HERC2: variants seen among roughly 807,000 people sequenced by gnomAD.
The protein encoded by HERC2 is HECT and RLD domain containing E3 ubiquitin protein ligase 2.
A neutral mutation model predicts 537.7 loss-of-function variants in HERC2; 102 were observed. The ratio of observed to expected loss-of-function variants is 0.19; its 90% CI spans 0.16 to 0.22. The LOEUF (loss-of-function observed/expected upper bound fraction) is 0.22. Among genes scored for constraint, HERC2 ranks in the 10% least tolerant of loss-of-function variants. HERC2 has a pLI of 1.00. For missense variants in HERC2, 4,236 were observed against 6,198.2 expected (o/e 0.68, Z 10.63); for synonymous variants, 2,224 against 2,466.2 (o/e 0.90, Z 2.91).
chr15:28,315,347 C>T (rs926068412), intron 2 of HERC2, among the ~76,000 whole-genome samples: 3 of 152,226 alleles, frequency 2.0e-5, no homozygotes, highest in South Asian at 2.1e-4. Context: ...AACTCTCTTG[C>T]GTGACATCAC....
chr15:28,317,377 C>G lies in HERC2; in HGVS notation c.72+3985G>C, dbSNP rs547472607. ...GTGCTGTGATTACAGGCGTGAGCCA[C>G]CGCGCCCAGCCGAAGTGACAATATT... On this transcript the variant is annotated intron_variant, in intron 2 of 92. Transcript: ENST00000261609. Among the ~76,000 whole-genome samples, 4 of 152,320 alleles carry G rather than the reference C, an allele frequency of 2.6e-5. No individual in the cohort carries two copies. The South Asian group carries it at 8.3e-4, about 32-fold the overall frequency.
chr15:28,179,509 A>C (rs559879932), intron 57 of HERC2, among the ~76,000 whole-genome samples: 1 of 152,262 alleles, frequency 6.6e-6, no homozygotes, highest in South Asian at 2.1e-4. Flanking sequence ...TGCCAGCTAC[A>C]TATCAACAAT....
rs759377270 is a variant in HERC2 at position 28,269,262 on chromosome 15, T to TATA, written c.1429_1431dup (p.Tyr477dup). On this transcript the variant is annotated inframe_insertion, in exon 11 of 93. Coordinates refer to ENST00000261609, the MANE Select transcript of HERC2 (RefSeq NM_004667.6). Reference sequence around the variant, plus strand: ...AGAACACTCACCAGCGTGTCACTATTATAGGCCTGTGTGTACACGCGGCCA... The same window carrying TATA: ...AGAACACTCACCAGCGTGTCACTATTATAATAGGCCTGTGTGTACACGCGGCCA... 1 of 1,613,666 alleles carries TATA rather than the reference T, an allele frequency of 6.2e-7. No individual in the cohort carries two copies. Among genetic ancestry groups the TATA allele is most frequent in the Admixed American group, 1.7e-5 (1 of 59,976 alleles).
intron 14 of HERC2, among the ~76,000 whole-genome samples, chr15:28,264,393 A>G (rs2075503129): frequency 6.6e-6 from 1 of 152,226 alleles, no homozygotes; most frequent in African/African-American, 2.4e-5. Flanking sequence ...AAAGCGGCAC[A>G]GCAGACCTGA....
chr15:28,300,897 T>C (rs2076605237), intron 2 of HERC2, among the ~76,000 whole-genome samples: 1 of 147,176 alleles, frequency 6.8e-6, no homozygotes, highest in Admixed American at 6.9e-5. Flanking sequence ...CAAAGAAATT[T>C]TGAAAAACAA....
chr15:28,130,339 G>A, intron 82 of HERC2, 37 bp from the exon 83 acceptor site: 1 of 1,613,540 alleles, frequency 6.2e-7, no homozygotes, highest in Non-Finnish European at 8.5e-7. Context: ...ATGGGGCAAG[G>A]TGATCTCACT....
At chr15:28,271,867 C>T (rs1354503678) in intron 9 of HERC2, among the ~76,000 whole-genome samples, 6 of 152,186 alleles carry the variant, frequency 3.9e-5, no homozygotes, top group African/African-American at 1.4e-4. Flanking sequence ...AAGGCGGGAG[C>T]TGGTACCAAA....
chr15:28,263,067 T>A lies in HERC2; in HGVS notation c.1973A>T (p.Asp658Val), dbSNP rs2075456921. Residue 658 changes from aspartate to valine, a missense_variant, in exon 15 of 93, where the codon GAT (aspartate) becomes GTT (valine). Transcript: ENST00000261609. ...ACTTCCACAGCGGACTTTGACCACA[T>A]CCAAGTCTTGAAGCTTTTCAATCAG... ...PKLIEKLQDL[D>V]VVKVRCGSQF... 1 of 1,614,076 alleles carries A rather than the reference T, an allele frequency of 6.2e-7. No homozygotes were observed. Among genetic ancestry groups the A allele is most frequent in the African/African-American group, 1.3e-5 (1 of 74,920 alleles).
intron 44 of HERC2, among the ~76,000 whole-genome samples, chr15:28,209,788 G>A (rs1287254327): frequency 2.0e-5 from 3 of 152,070 alleles, no homozygotes; most frequent in African/African-American, 7.2e-5. Flanking sequence ...GATATTCAGG[G>A]AAGACTATAT....
rs148731297 is a variant in HERC2, at chr15:28,111,940, C to T, written c.14328G>A (p.Val4776=). 455 of 1,614,158 alleles carry T rather than the reference C, an allele frequency of 2.8e-4. 1 individual carries two copies. The African/African-American group carries it at 5.3e-3, about 19-fold the overall frequency. Residue 4776 remains valine, a synonymous_variant, in exon 93 of 93, where the codon GTG becomes GTA. Coordinates refer to ENST00000261609, the MANE Select transcript of HERC2 (RefSeq NM_004667.6). ...TGGCGTACTTGAGCTTCTCCTCCAG[C>T]ACCTGCTTGCAGGAATACCTGGGCA... ...LKLPRYSCKQ[V]LEEKLKYAIH... is the part of the protein sequence containing the mutation.
intron 50 of HERC2, among the ~76,000 whole-genome samples, chr15:28,197,994 G>A (rs868372623): frequency 2.6e-5 from 4 of 152,118 alleles, no homozygotes; most frequent in Admixed American, 6.5e-5. Flanking sequence ...CAATCATGAC[G>A]TTAGCATGGC....
chr15:28,190,827 A>C (rs1160549925), intron 55 of HERC2, 138 bp downstream of exon 55: 1 of 656,874 alleles, frequency 1.5e-6, no homozygotes, highest in East Asian at 2.7e-5. Context: ...GTATCTTTTA[A>C]AGTGTCAAAA....
At chr15:28,229,093 T>C (rs1901557588) in intron 34 of HERC2, 102 bp downstream of exon 34, 7 of 1,091,176 alleles carry the variant, frequency 6.4e-6, no homozygotes, top group Non-Finnish European at 9.9e-6. Flanking sequence ...GTACAAACTT[T>C]AATTAAAATC....
At chr15:28,148,841 C>T (rs1299570096) in intron 70 of HERC2, among the ~76,000 whole-genome samples, 6 of 151,608 alleles carry the variant, frequency 4.0e-5, no homozygotes, top group Non-Finnish European at 5.9e-5. Flanking sequence ...ATAAAACACA[C>T]GCAACTTCTA....
chr15:28,248,783 C>A (rs1468978790), intron 20 of HERC2, 47 bp from the exon 21 acceptor site: 3 of 1,475,028 alleles, frequency 2.0e-6, no homozygotes, highest in Admixed American at 1.8e-5. Flanking sequence ...GATATTTCTA[C>A]TAAAAAGAAA....
intron 48 of HERC2, among the ~76,000 whole-genome samples, chr15:28,200,444 C>G (rs1439972489): frequency 6.6e-6 from 1 of 151,910 alleles, no homozygotes; most frequent in Admixed American, 6.6e-5. Flanking sequence ...AGGAAGAGGG[C>G]CATCACCAGA....
At position 28,235,824 on chromosome 15, in the gene HERC2, T is replaced by G. The variant is rs143102919; in HGVS notation, c.4003+1139A>C. The stretch of plus-strand genomic sequence containing the variant: ...CATCCTGAACACCTCGCATGGTAAC[T>G]GCACCAGGCAACTGTTCAACAGAAG... On this transcript the variant is annotated intron_variant, in intron 26 of 92. Coordinates refer to ENST00000261609, the MANE Select transcript of HERC2 (RefSeq NM_004667.6). 2.0e-3 allele frequency among the ~76,000 whole-genome samples: 308 copies of G among 152,232 alleles called. 1 individual carries two copies. Among genetic ancestry groups the G allele is most frequent in the Middle Eastern group, 0.01 (3 of 294 alleles).
At chr15:28,293,908 G>T (rs1168044272) in intron 3 of HERC2, among the ~76,000 whole-genome samples, 1 of 152,254 alleles carries the variant, frequency 6.6e-6, no homozygotes, top group African/African-American at 2.4e-5. Flanking sequence ...AGTAAGCGAA[G>T]AGAAGAGAGA....
chr15:28,275,350 A>T (rs765107176), intron 5 of HERC2, among the ~76,000 whole-genome samples: 7 of 152,234 alleles, frequency 4.6e-5, no homozygotes. Context: ...CACATGGGAG[A>T]CCAGGCCGGA....
Sources: gnomAD v4.1 joint callset for allele counts (sites outside exome capture counted in the v4.1 genomes callset) on GRCh38, gnomAD v4.1.1 for gene constraint, MANE v1.5 for transcripts, NCBI Gene and HGNC (gene_info 2026-07-23, HGNC 2026-07-21) for gene names.